LIFR: variants seen among roughly 807,000 people sequenced by gnomAD.
LIFR encodes the protein LIF receptor subunit alpha.
A neutral mutation model predicts 122.2 loss-of-function variants in LIFR; 84 were observed. The observed-to-expected ratio is 0.69, with a 90% CI of 0.58 to 0.82. The LOEUF is 0.82. LIFR is among the 40% of genes least tolerant of loss of function. LIFR has a pLI of 0.00. For missense variants in LIFR, 1,294 were observed against 1,311.6 expected, an observed-to-expected ratio of 0.99 and a Z score of 0.21; for synonymous variants, 422 against 434.7, an observed-to-expected ratio of 0.97 and a Z score of 0.36.
intron 1 of LIFR, among the ~76,000 whole-genome samples, chr5:38,540,212 C>A (rs548786560): frequency 6.6e-5 from 10 of 152,044 alleles, no homozygotes; most frequent in Non-Finnish European, 1.3e-4. Context: ...TAAGACCCAG[C>A]ACCTGCTTTC....
intron 1 of LIFR, among the ~76,000 whole-genome samples, chr5:38,566,778 G>A (rs1024833272): frequency 1.3e-5 from 2 of 152,106 alleles, no homozygotes; most frequent in East Asian, 3.9e-4. Flanking sequence ...TAGTCCCTGA[G>A]TTCTGGTGAA....
Position 38,570,725 on chromosome 5 carries a change from T to A in LIFR, c.-20+24536A>T, listed in dbSNP as rs1580209206. Among the ~76,000 whole-genome samples the A allele has an allele frequency of 2.6e-5, 4 of 152,304 alleles. No individual in the cohort carries two copies. In the East Asian group the frequency reaches 7.7e-4, roughly 29 times the overall value. On this transcript the variant is annotated intron_variant, in intron 1 of 19. Coordinates refer to the LIFR transcript ENST00000263409. ...AGTTACTTAATAACGTTAGCCAATT[T>A]GTGTCTGAAGATGCCATTTTTTCAG...
intron 1 of LIFR, among the ~76,000 whole-genome samples, chr5:38,533,927 G>C (rs929320424): frequency 6.6e-6 from 1 of 152,192 alleles, no homozygotes. Context: ...ACAATAAGAT[G>C]ACTCCCTTGT....
intron 7 of LIFR, among the ~76,000 whole-genome samples, chr5:38,509,001 A>T (rs1745650178): frequency 6.6e-6 from 1 of 152,158 alleles, no homozygotes; most frequent in Admixed American, 6.5e-5. Context: ...AAATTTCCTA[A>T]AAGTTCTCTC....
chr5:38,518,022 G>GCA (rs1291633185), intron 5 of LIFR, among the ~76,000 whole-genome samples: 55 of 151,164 alleles, frequency 3.6e-4, no homozygotes, highest in African/African-American at 1.3e-3. Flanking sequence ...GGACACTGAG[G>GCA]CAAAAGTATC....
rs1235615357 is a variant in LIFR at position 38,489,241 on chromosome 5, G to A, written c.2172C>T (p.Pro724=). 9 of 1,611,966 alleles carry A rather than the reference G, an allele frequency of 5.6e-6. No homozygotes were observed. The highest frequency in any genetic ancestry group is 6.8e-6 in the Non-Finnish European group (8 of 1,179,090). ...SMIGYIEELA[P]IVAPNFTVED... The stretch of plus-strand genomic sequence containing the variant: ...CAACAGTAAAATTTGGTGCAACAAT[G>A]GGAGCTGTAAAAGGAAAAAGTCAAT... Residue 724 remains proline, a synonymous_variant, in exon 16 of 20, where the codon CCC becomes CCT. Transcript: ENST00000453190.
At chr5:38,537,914 T>G (rs1176462905) in intron 1 of LIFR, among the ~76,000 whole-genome samples, 1 of 152,256 alleles carries the variant, frequency 6.6e-6, no homozygotes, top group Non-Finnish European at 1.5e-5. Context: ...TACTTTCCAG[T>G]GAGTCTTTTG....
intron 14 of LIFR, among the ~76,000 whole-genome samples, chr5:38,492,942 T>C (rs557721871): frequency 3.3e-5 from 5 of 152,258 alleles, no homozygotes; most frequent in African/African-American, 1.2e-4. Flanking sequence ...TGTAGGTTAT[T>C]AAACACTCCT....
intron 16 of LIFR, among the ~76,000 whole-genome samples, chr5:38,488,337 C>G (rs1392164928): frequency 6.6e-6 from 1 of 152,170 alleles, no homozygotes; most frequent in Non-Finnish European, 1.5e-5. Flanking sequence ...GTGGAGTTCT[C>G]TATTTCTCAG....
chr5:38,540,994 G>A (rs1452633103), intron 1 of LIFR, among the ~76,000 whole-genome samples: 2 of 152,036 alleles, frequency 1.3e-5, no homozygotes, highest in African/African-American at 2.4e-5. Flanking sequence ...ATTCTTTAGG[G>A]TCAGAATCTG....
intron 1 of LIFR, among the ~76,000 whole-genome samples, chr5:38,570,002 C>G (rs1206005215): frequency 6.6e-6 from 1 of 152,088 alleles, no homozygotes; most frequent in Non-Finnish European, 1.5e-5. Context: ...CAGCCTTCGT[C>G]AATAGCTAGA....
At chr5:38,567,873 C>T (rs939066734) in intron 1 of LIFR, among the ~76,000 whole-genome samples, 2 of 152,132 alleles carry the variant, frequency 1.3e-5, no homozygotes, top group African/African-American at 4.8e-5. Context: ...TAATATTCCC[C>T]CAGAGCAACT....
Position 38,502,655 on chromosome 5 carries a change from G to A in LIFR, c.1582C>T (p.His528Tyr), listed in dbSNP as rs1745246301. The A allele has an allele frequency of 1.2e-6, 2 of 1,612,926 alleles. No individual in the cohort carries two copies. Among genetic ancestry groups the A allele is most frequent in the South Asian group, 1.1e-5 (1 of 91,046 alleles). ...AACTTACTGGCTTCTGTTGTTAAAT[G>A]TTGTTTTTTATTGCTCCATTTGCTC... ...KWSKWSNKKQ[H>Y]LTTEASPSKG... The change falls in exon 11 of 20, where the codon CAT becomes TAT. Residue 528 changes from histidine (H) to tyrosine (Y), a missense_variant. His to Tyr is a moderately conservative substitution (Grantham distance 83, BLOSUM62 2). Coordinates refer to ENST00000453190, the MANE Select transcript of LIFR (RefSeq NM_001127671.2).
chr5:38,514,840 C>G (rs1346134982), intron 5 of LIFR, among the ~76,000 whole-genome samples: 1 of 152,154 alleles, frequency 6.6e-6, no homozygotes, highest in African/African-American at 2.4e-5. Context: ...TTAGGTGTTA[C>G]AAATAATCTA....
chr5:38,566,690 G>A (rs1254704783), intron 1 of LIFR, among the ~76,000 whole-genome samples: 2 of 152,104 alleles, frequency 1.3e-5, no homozygotes, highest in Non-Finnish European at 2.9e-5. Flanking sequence ...TAATATATGG[G>A]AGGACGCTTC....
intron 1 of LIFR, among the ~76,000 whole-genome samples, chr5:38,533,542 T>G (rs1747131173): frequency 5.9e-5 from 9 of 152,178 alleles, no homozygotes; most frequent in Admixed American, 5.9e-4. Context: ...GAATTCTGGT[T>G]CCAGTGTACA....
chr5:38,478,685 C>G lies in LIFR; in HGVS notation c.*2910G>C, dbSNP rs368109984. 9.8e-6 allele frequency: 2 copies of G among 203,488 alleles called. No individual in the cohort carries two copies. The highest frequency in any genetic ancestry group is 4.6e-5 in the African/African-American group (2 of 43,628). 12.6% of individuals were successfully genotyped at this position (203,488 alleles called of 1,614,324 possible). ...AAGCCCCATAATGATCTCCATTCCT[C>G]GCAAGGGAAGCTTGATTTGAAACTG... On this transcript the variant is annotated 3_prime_UTR_variant, in exon 20 of 20. Transcript: ENST00000453190.
intron 9 of LIFR, 62 bp from the exon 10 acceptor site, chr5:38,504,183 G>T: frequency 8.8e-7 from 1 of 1,142,774 alleles, no homozygotes. Context: ...CTTCTAATAT[G>T]ACAAATGAGA....
At chr5:38,538,721 G>T (rs545829573) in intron 1 of LIFR, among the ~76,000 whole-genome samples, 1 of 152,108 alleles carries the variant, frequency 6.6e-6, no homozygotes, top group African/African-American at 2.4e-5. Flanking sequence ...TCACTCTCTG[G>T]CATACGTAAT....
Sources: allele counts gnomAD v4.1 joint callset (sites outside exome capture counted in the v4.1 genomes callset), GRCh38; gene constraint gnomAD v4.1.1; transcripts MANE v1.5; gene names NCBI Gene and HGNC (gene_info 2026-07-23, HGNC 2026-07-21).